The following CLPSL2 variants were observed in gnomAD, a reference collection of about 807,000 sequenced individuals.
CLPSL2 encodes colipase like 2.
CLPSL2 carries 4 observed loss-of-function variants against 7.9 expected under a neutral mutation model. The ratio of observed to expected loss-of-function variants is 0.50; its 90% CI spans 0.25 to 1.15. The LOEUF (loss-of-function observed/expected upper bound fraction) is 1.15, where lower values mean the gene tolerates loss of function less well. Among genes scored for constraint, CLPSL2 ranks in the 50% most tolerant of loss-of-function variants. The pLI is 0.15. For missense variants in CLPSL2, 132 were observed against 136.6 expected, an observed-to-expected ratio of 0.97 and a Z score of 0.17; for synonymous variants, 67 against 53.1, an observed-to-expected ratio of 1.26 and a Z score of -1.14.
intron 2 of CLPSL2, chr6:35,777,868 G>A (rs1767876195): frequency 1.4e-6 from 1 of 717,598 alleles, no homozygotes; most frequent in Non-Finnish European, 2.6e-6. Context: ...AACTCTTCAA[G>A]GGCAGGGATC....
Position 35,776,644 on chromosome 6 carries a change from C to A in CLPSL2, c.26C>A (p.Ala9Glu). The A allele has an allele frequency of 6.7e-7, 1 of 1,496,508 alleles. No individual in the cohort carries two copies. Among genetic ancestry groups the A allele is most frequent in the Non-Finnish European group, 8.8e-7 (1 of 1,130,440 alleles). The allele number at this position is 1,496,508 out of a possible 1,614,324, so 92.7% of individuals were successfully genotyped here. Reference protein sequence around the residue: MAAALALVAGVLSGAVLPL... With the variant: MAAALALVEGVLSGAVLPL... ...ATGGCCGCAGCCCTGGCGCTCGTGG[C>A]GGGGGTCCTGTCGGGGGCGGTGCTG... is the stretch of plus-strand genomic sequence containing the variant. Residue 9 changes from alanine (A) to glutamate (E), a missense_variant, in exon 1 of 3, where the codon GCG becomes GAG. Physicochemically the swap from Ala to Glu is moderately radical, Grantham distance 107 (BLOSUM62 -1). Coordinates refer to ENST00000403376, the MANE Select transcript of CLPSL2 (RefSeq NM_207409.4).
At position 35,779,371 on chromosome 6, in the gene CLPSL2, A is replaced by G. The variant is rs778804822; in HGVS notation, c.224A>G (p.Asn75Ser). The G allele has an allele frequency of 5.7e-6, 9 of 1,575,620 alleles. No homozygotes were observed. The highest frequency in any genetic ancestry group is 7.8e-6 in the Non-Finnish European group (9 of 1,158,034). ...TCCCTGCAGACCAAGGGAGCTACCA[A>G]CATCATCTGCCCTTGCCGGATGGGC... The part of the protein sequence containing the change: ...ICLPQTKGAT[N>S]IICPCRMGLT... Residue 75 changes from asparagine (N) to serine (S), a missense_variant, in exon 3 of 3, where the codon AAC becomes AGC. Coordinates refer to ENST00000403376, the MANE Select transcript of CLPSL2 (RefSeq NM_207409.4).
In CLPSL2 at chr6:35,776,647, G is replaced by T; in HGVS notation, c.29G>T (p.Gly10Val). 4 of 1,495,542 alleles carry T rather than the reference G, an allele frequency of 2.7e-6. No individual in the cohort carries two copies. The highest frequency in any genetic ancestry group is 3.5e-6 in the Non-Finnish European group (4 of 1,130,064). 92.6% of individuals were successfully genotyped at this position (1,495,542 alleles called of 1,614,324 possible). MAAALALVA[G>V]VLSGAVLPLW... is the part of the protein sequence containing the mutation. ...GCCGCAGCCCTGGCGCTCGTGGCGG[G>T]GGTCCTGTCGGGGGCGGTGCTGCCC... The change falls in exon 1 of 3, where the codon GGG becomes GTG. Residue 10 changes from glycine to valine, a missense_variant. Physicochemically the swap from Gly to Val is moderately radical, Grantham distance 109. Transcript: ENST00000403376.
At position 35,777,342 on chromosome 6, in the gene CLPSL2, C is replaced by T. The variant is rs949304386; in HGVS notation, c.85-117C>T. 6 of 1,216,812 alleles carry T rather than the reference C, an allele frequency of 4.9e-6. No individual in the cohort carries two copies. The Admixed American group carries it at 1.2e-4, about 24-fold the overall frequency. 75.4% of individuals were successfully genotyped at this position (1,216,812 alleles called of 1,614,324 possible). The stretch of plus-strand genomic sequence containing the variant: ...GAACCAGCCCCCCAAGGGGTGACAA[C>T]CTCATGACTTCTCCTGGATCCCTGG... On this transcript the variant is annotated intron_variant, in intron 1 of 2. Coordinates refer to ENST00000403376, the MANE Select transcript of CLPSL2 (RefSeq NM_207409.4).
At chr6:35,777,856 G>T (rs944193428) in intron 2 of CLPSL2, 1 of 717,598 alleles carries the variant, frequency 1.4e-6, no homozygotes, top group Non-Finnish European at 2.6e-6. Context: ...CCCAGTGGTT[G>T]GAACTCTTCA....
At chr6:35,778,208 G>A (rs759756654) in intron 2 of CLPSL2, among the ~76,000 whole-genome samples, 3 of 152,056 alleles carry the variant, frequency 2.0e-5, no homozygotes, top group Admixed American at 1.3e-4. Context: ...CACCTGGCTC[G>A]GCCTCCCAAG....
At chr6:35,779,246 G>T in intron 2 of CLPSL2, 109 bp from the exon 3 acceptor site, 1 of 822,308 alleles carries the variant, frequency 1.2e-6, no homozygotes, top group Non-Finnish European at 1.9e-6. Context: ...GACAGCCCAG[G>T]TCTGTCTTAC....
rs1357631991 is a variant in CLPSL2 at position 35,777,312 on chromosome 6, G to GC, written c.85-147_85-146insC. 6.1e-6 allele frequency: 5 copies of GC among 817,968 alleles called. No homozygotes were observed. In the South Asian group the frequency reaches 8.7e-5, roughly 14 times the overall value. The allele number at this position is 817,968 out of a possible 1,614,324, so 50.7% of individuals were successfully genotyped here. ...TGCTGAGGGGCCGGGGTGGGGCTGG[G>GC]GGGGGAACCAGCCCCCCAAGGGGTG... On this transcript the variant is annotated intron_variant, in intron 1 of 2. Coordinates refer to ENST00000403376, the MANE Select transcript of CLPSL2 (RefSeq NM_207409.4).
At chr6:35,779,291 A>G in intron 2 of CLPSL2, 64 bp from the exon 3 acceptor site, 1 of 1,356,706 alleles carries the variant, frequency 7.4e-7, no homozygotes, top group Non-Finnish European at 1.0e-6. Context: ...GGTCCCCAAG[A>G]AGTTTAAGTC....
intron 2 of CLPSL2, among the ~76,000 whole-genome samples, chr6:35,778,181 C>T (rs1030815477): frequency 5.3e-5 from 8 of 152,202 alleles, no homozygotes; most frequent in African/African-American, 9.7e-5. Flanking sequence ...GTCTTGAACT[C>T]CTGACCTCAG....
At position 35,778,080 on chromosome 6, in the gene CLPSL2, C is replaced by T. The variant is rs1361998529; in HGVS notation, c.207+499C>T. Among the ~76,000 whole-genome samples, 7 of 152,082 alleles carry T rather than the reference C, an allele frequency of 4.6e-5. No homozygotes were observed. The East Asian group carries it at 7.7e-4, about 17-fold the overall frequency. On this transcript the variant is annotated intron_variant, in intron 2 of 2. Transcript: ENST00000403376. Reference sequence around the variant, plus strand: ...AAGCGATTCTTGGGCCTCAGCCTCCCGAGTAGCTGGGATTACAGGGGTGCA... The same window carrying T: ...AAGCGATTCTTGGGCCTCAGCCTCCTGAGTAGCTGGGATTACAGGGGTGCA...
In CLPSL2 at chr6:35,779,542, C is replaced by A; in HGVS notation, c.*92C>A. 6.5e-7 allele frequency: 1 copy of A among 1,546,186 alleles called. No individual in the cohort carries two copies. Among genetic ancestry groups the A allele is most frequent in the South Asian group, 1.2e-5 (1 of 83,922 alleles). The stretch of plus-strand genomic sequence containing the variant: ...AATCCAGCTCCTGAGACATTAAAGT[C>A]ACTTCCTGTCCTTGGCCTCTGTCTG... On this transcript the variant is annotated 3_prime_UTR_variant, in exon 3 of 3. Transcript: ENST00000403376.
intron 2 of CLPSL2, among the ~76,000 whole-genome samples, chr6:35,779,107 C>G (rs1271306119): frequency 6.6e-6 from 1 of 152,178 alleles, no homozygotes; most frequent in African/African-American, 2.4e-5. Context: ...TTGATCTGCT[C>G]TATCTCATTT....
At chr6:35,778,794 T>A (rs1767897434) in intron 2 of CLPSL2, among the ~76,000 whole-genome samples, 1 of 152,152 alleles carries the variant, frequency 6.6e-6, no homozygotes, top group Non-Finnish European at 1.5e-5. Flanking sequence ...AGAGGGTTTT[T>A]ATTTTTTTTA....
chr6:35,776,625 G>A lies in CLPSL2; in HGVS notation c.7G>A (p.Ala3Thr), dbSNP rs1409347275. Residue 3 changes from alanine to threonine, a missense_variant, in exon 1 of 3, where the codon GCA (alanine) becomes ACA (threonine). Physicochemically the swap from Ala to Thr is moderately conservative, Grantham distance 58. Coordinates refer to ENST00000403376, the MANE Select transcript of CLPSL2 (RefSeq NM_207409.4). ...TGCTCTGCCGCCCAGGCCCATGGCC[G>A]CAGCCCTGGCGCTCGTGGCGGGGGT... is the stretch of plus-strand genomic sequence containing the variant. MAAALALVAGVLS... is the reference protein window; with the variant it reads MATALALVAGVLS... The A allele has an allele frequency of 1.3e-6, 2 of 1,499,468 alleles. No individual in the cohort carries two copies. The highest frequency in any genetic ancestry group is 1.8e-6 in the Non-Finnish European group (2 of 1,131,660). The allele number at this position is 1,499,468 out of a possible 1,614,324, so 92.9% of individuals were successfully genotyped here.
Position 35,777,310 on chromosome 6 carries a change from G to GT in CLPSL2, c.85-149_85-148insT, listed in dbSNP as rs1052895761. ...CCTGCTGAGGGGCCGGGGTGGGGCT[G>GT]GGGGGGGAACCAGCCCCCCAAGGGG... On this transcript the variant is annotated intron_variant, in intron 1 of 2. Coordinates refer to ENST00000403376, the MANE Select transcript of CLPSL2 (RefSeq NM_207409.4). 12 of 687,270 alleles carry GT rather than the reference G, an allele frequency of 1.7e-5. No individual in the cohort carries two copies. The African/African-American group carries it at 3.0e-4, about 17-fold the overall frequency. The allele number at this position is 687,270 out of a possible 1,614,324, so 42.6% of individuals were successfully genotyped here. A position where few individuals can be genotyped will look rare whatever the true frequency, so the allele number is the denominator to read the frequency against.
At chr6:35,778,072 CA>C (rs1299382615) in intron 2 of CLPSL2, 1 of 556,486 alleles carries the variant, frequency 1.8e-6, no homozygotes, top group African/African-American at 1.9e-5. Context: ...TCTTGGGCCT[CA>C]GCCTCCCGAG....
At chr6:35,778,479 C>T (rs1403330666) in intron 2 of CLPSL2, among the ~76,000 whole-genome samples, 2 of 152,246 alleles carry the variant, frequency 1.3e-5, no homozygotes, top group Non-Finnish European at 2.9e-5. Flanking sequence ...AGCAGGTCAT[C>T]ATGGCTCTCT....
Position 35,777,569 on chromosome 6 carries a change from C to G in CLPSL2, c.195C>G (p.Ile65Met). The change falls in exon 2 of 3, where the codon ATC (isoleucine) becomes ATG (methionine). Residue 65 changes from isoleucine to methionine, a missense_variant. Coordinates refer to ENST00000403376, the MANE Select transcript of CLPSL2 (RefSeq NM_207409.4). The stretch of plus-strand genomic sequence containing the variant: ...CCCCCAGGGCCAGAATAACCATGAT[C>G]TGCTTGCCCCAGGTGAGGCCCTAGT... The part of the protein sequence containing the change: ...FCAPRARITM[I>M]CLPQTKGATN... 2 of 1,613,618 alleles carry G rather than the reference C, an allele frequency of 1.2e-6. No homozygotes were observed. The highest frequency in any genetic ancestry group is 1.7e-6 in the Non-Finnish European group (2 of 1,179,746).
Sources: gnomAD v4.1 joint callset for allele counts (sites outside exome capture counted in the v4.1 genomes callset) on GRCh38, gnomAD v4.1.1 for gene constraint, MANE v1.5 for transcripts, NCBI Gene and HGNC (gene_info 2026-07-23, HGNC 2026-07-21) for gene names.